CNTNAP2: variants seen among roughly 807,000 people sequenced by gnomAD.
The protein encoded by CNTNAP2 is contactin associated protein 2, also known as contactin-associated protein-like 2.
Under a neutral mutation model 155.2 loss-of-function variants are expected in CNTNAP2, and 98 were observed. The ratio of observed to expected loss-of-function variants is 0.63; its 90% CI spans 0.54 to 0.75. The LOEUF (loss-of-function observed/expected upper bound fraction) is 0.75, where lower values mean the gene tolerates loss of function less well. Among genes scored for constraint, CNTNAP2 ranks in the 30% least tolerant of loss-of-function variants. The pLI, the probability that CNTNAP2 is intolerant of heterozygous loss-of-function variation, is 0.00. For synonymous variants in CNTNAP2, 651 were observed against 631.2 expected (o/e 1.03, Z -0.47); for missense variants, 1,727 against 1,688.1 (o/e 1.02, Z -0.40).
chr7:147,739,634 C>T (rs1051128037), intron 13 of CNTNAP2, among the ~76,000 whole-genome samples: 2 of 151,614 alleles, frequency 1.3e-5, no homozygotes, highest in Non-Finnish European at 2.9e-5. Flanking sequence ...AGATACAGTC[C>T]CAATACAGTC....
At chr7:146,711,348 ATATG>A (rs1314948580) in intron 1 of CNTNAP2, among the ~76,000 whole-genome samples, 1 of 147,298 alleles carries the variant, frequency 6.8e-6, no homozygotes, top group Non-Finnish European at 1.5e-5. Context: ...TGTAAAATAT[ATATG>A]TATAATATAC....
intron 13 of CNTNAP2, among the ~76,000 whole-genome samples, chr7:147,639,508 C>A (rs1795240453): frequency 1.3e-5 from 2 of 152,120 alleles, no homozygotes; most frequent in South Asian, 4.1e-4. Context: ...AAAAATAGTC[C>A]ATTGTTTTAA....
At chr7:147,607,762 A>G (rs1029177803) in intron 12 of CNTNAP2, among the ~76,000 whole-genome samples, 3 of 152,228 alleles carry the variant, frequency 2.0e-5, no homozygotes, top group African/African-American at 7.2e-5. Flanking sequence ...CAGAAAGAGC[A>G]TAATCTCTCA....
chr7:146,974,956 A>G (rs1797878952), intron 3 of CNTNAP2, among the ~76,000 whole-genome samples: 1 of 152,166 alleles, frequency 6.6e-6, no homozygotes, highest in African/African-American at 2.4e-5. Flanking sequence ...TGGGTGACAG[A>G]GAGAGACTCT....
chr7:147,629,610 T>G (rs2116907440), intron 12 of CNTNAP2, among the ~76,000 whole-genome samples: 1 of 151,420 alleles, frequency 6.6e-6, no homozygotes, highest in East Asian at 2.0e-4. Context: ...CTTAAGAAAA[T>G]AAAAAGTATA....
At chr7:147,714,071 G>T (rs1193685400) in intron 13 of CNTNAP2, among the ~76,000 whole-genome samples, 1 of 152,084 alleles carries the variant, frequency 6.6e-6, no homozygotes, top group African/African-American at 2.4e-5. Context: ...AAGCGCTGTA[G>T]TAAGTGCTTT....
At chr7:146,571,399 A>G (rs1798437982) in intron 1 of CNTNAP2, among the ~76,000 whole-genome samples, 1 of 152,138 alleles carries the variant, frequency 6.6e-6, no homozygotes, top group Non-Finnish European at 1.5e-5. Flanking sequence ...ATGTGAAAAT[A>G]TTTTTATCAG....
intron 11 of CNTNAP2, among the ~76,000 whole-genome samples, chr7:147,516,012 A>G (rs1752099675): frequency 6.6e-6 from 1 of 152,238 alleles, no homozygotes; most frequent in Non-Finnish European, 1.5e-5. Context: ...TAAAATGAAT[A>G]GCCCCAAACC....
intron 13 of CNTNAP2, among the ~76,000 whole-genome samples, chr7:147,878,823 C>A (rs1321441859): frequency 6.6e-6 from 1 of 152,162 alleles, no homozygotes; most frequent in African/African-American, 2.4e-5. Context: ...TAAATTCTTA[C>A]CAAACTGAAG....
rs779761487 is a variant in CNTNAP2 at position 147,395,732 on chromosome 7, C to A, written c.1622C>A (p.Pro541Gln). Residue 541 changes from proline to glutamine, a missense_variant, in exon 10 of 24, where the codon CCG becomes CAG. Coordinates refer to ENST00000361727, the MANE Select transcript of CNTNAP2 (RefSeq NM_014141.6). ...TTATACGAAGTGGCACAAAGGAAGCCGGGAAGTTTCGCGAATGTCAGCATT... is the reference window on the plus strand; with the variant it reads ...TTATACGAAGTGGCACAAAGGAAGCAGGGAAGTTTCGCGAATGTCAGCATT... ...VNLYEVAQRK[P>Q]GSFANVSIDM... 2.5e-6 allele frequency: 4 copies of A among 1,612,246 alleles called. No individual in the cohort carries two copies. The highest frequency in any genetic ancestry group is 3.4e-6 in the Non-Finnish European group (4 of 1,178,848).
intron 3 of CNTNAP2, among the ~76,000 whole-genome samples, chr7:146,932,666 A>G (rs1251755333): frequency 1.3e-5 from 2 of 152,218 alleles, no homozygotes; most frequent in African/African-American, 2.4e-5. Context: ...TGCAGATGAC[A>G]TGATAGTATA....
chr7:147,050,767 T>C (rs1267627567), intron 4 of CNTNAP2, among the ~76,000 whole-genome samples: 1 of 152,096 alleles, frequency 6.6e-6, no homozygotes. Flanking sequence ...TTTAAGACGA[T>C]GGAAAGGTAT....
In CNTNAP2 at chr7:146,300,052, A is replaced by C. The variant is rs868126825; in HGVS notation, c.97+183079A>C. On this transcript the variant is annotated intron_variant, in intron 1 of 23. Coordinates refer to ENST00000361727, the MANE Select transcript of CNTNAP2 (RefSeq NM_014141.6). ...TTATGCAAGAGTAACTGAAGTTCAAAGAGATGGTTTTTGAGAAGGTGACTG... is the reference window on the plus strand; with the variant it reads ...TTATGCAAGAGTAACTGAAGTTCAACGAGATGGTTTTTGAGAAGGTGACTG... Among the ~76,000 whole-genome samples the C allele has an allele frequency of 2.6e-4, 39 of 152,326 alleles. No homozygotes were observed. The South Asian group carries it at 5.4e-3, about 21-fold the overall frequency.
intron 1 of CNTNAP2, among the ~76,000 whole-genome samples, chr7:146,339,676 A>G (rs1448308134): frequency 1.3e-5 from 2 of 152,198 alleles, no homozygotes; most frequent in African/African-American, 4.8e-5. Context: ...TTAGGTCTAT[A>G]TGGAAATTAT....
chr7:147,922,700 C>A (rs1800305977), intron 14 of CNTNAP2, among the ~76,000 whole-genome samples: 1 of 152,176 alleles, frequency 6.6e-6, no homozygotes, highest in Non-Finnish European at 1.5e-5. Flanking sequence ...GCTGCCCATC[C>A]ATTCCAGTTC....
At chr7:147,339,298 G>T (rs886361110) in intron 9 of CNTNAP2, among the ~76,000 whole-genome samples, 4 of 152,126 alleles carry the variant, frequency 2.6e-5, no homozygotes, top group African/African-American at 9.7e-5. Context: ...CTCATGACTA[G>T]GTCACCCTCC....
At chr7:147,091,290 A>G (rs187984491) in intron 4 of CNTNAP2, among the ~76,000 whole-genome samples, 4 of 152,122 alleles carry the variant, frequency 2.6e-5, no homozygotes, top group Non-Finnish European at 5.9e-5. Context: ...TCATGATGCT[A>G]TTGACTCAAC....
intron 15 of CNTNAP2, among the ~76,000 whole-genome samples, chr7:148,061,978 GATA>G (rs1803156994): frequency 7.5e-6 from 1 of 133,682 alleles, no homozygotes; most frequent in African/African-American, 3.1e-5. Flanking sequence ...TAGATAGATA[GATA>G]GATAGATAGA....
intron 12 of CNTNAP2, among the ~76,000 whole-genome samples, chr7:147,584,599 A>T (rs1800581178): frequency 6.6e-6 from 1 of 152,224 alleles, no homozygotes; most frequent in Admixed American, 6.5e-5. Context: ...CTGTGAAAAA[A>T]TAGTAGAGAA....
Sources: allele counts gnomAD v4.1 joint callset (sites outside exome capture counted in the v4.1 genomes callset), GRCh38; gene constraint gnomAD v4.1.1; transcripts MANE v1.5; gene names NCBI Gene and HGNC (gene_info 2026-07-23, HGNC 2026-07-21).